Variants in VAX2 observed in about 807,000 individuals in gnomAD.
VAX2 encodes the protein ventral anterior homeobox 2.
In VAX2, 8 loss-of-function variants were observed where a neutral mutation model predicts 12.5. The observed-to-expected ratio is 0.64, with a 90% CI of 0.37 to 1.15. The LOEUF (loss-of-function observed/expected upper bound fraction) is 1.15, where lower values mean the gene tolerates loss of function less well. Among genes scored for constraint, VAX2 ranks in the 50% most tolerant of loss-of-function variants. The pLI is 0.01. For missense variants in VAX2, 476 were observed against 412.9 expected (o/e 1.15, Z -1.32); for synonymous variants, 183 against 187.6 (o/e 0.98, Z 0.20).
intron 1 of VAX2, among the ~76,000 whole-genome samples, chr2:70,914,802 A>ATT (rs1370067951): frequency 1.5e-5 from 2 of 134,056 alleles, no homozygotes; most frequent in African/African-American, 5.6e-5. Context: ...TATTTACTTA[A>ATT]ATTTTTTTTT....
intron 2 of VAX2, among the ~76,000 whole-genome samples, chr2:70,930,060 G>A (rs918832040): frequency 1.3e-5 from 2 of 152,186 alleles, no homozygotes; most frequent in South Asian, 2.1e-4. Context: ...TCCGCCAGGT[G>A]CGGTGGTGTG....
chr2:70,903,999 G>A (rs1470326471), intron 1 of VAX2, among the ~76,000 whole-genome samples: 3 of 152,188 alleles, frequency 2.0e-5, no homozygotes, highest in Non-Finnish European at 4.4e-5. Context: ...AACGTGGTGC[G>A]TCTCCTGCCT....
In VAX2 at chr2:70,932,942, C is replaced by T. The variant is rs1222142186; in HGVS notation, c.611C>T (p.Thr204Ile). 6.2e-7 allele frequency: 1 copy of T among 1,612,700 alleles called. No homozygotes were observed. The highest frequency in any genetic ancestry group is 2.2e-5 in the East Asian group (1 of 44,840). The change falls in exon 3 of 3, where the codon ACC (threonine) becomes ATC (isoleucine). Residue 204 changes from threonine to isoleucine, a missense_variant. Coordinates refer to ENST00000234392, the MANE Select transcript of VAX2 (RefSeq NM_012476.3). ...VPRAPSLLAL[T>I]PSLPGLPASH... ...AGGGCCCCTAGCCTCCTGGCGCTGA[C>T]CCCTAGCCTGCCAGGCCTACCTGCC...
At chr2:70,929,758 C>G (rs1248630566) in intron 2 of VAX2, among the ~76,000 whole-genome samples, 1 of 151,782 alleles carries the variant, frequency 6.6e-6, no homozygotes, top group Admixed American at 6.6e-5. Flanking sequence ...AAGTATTGGT[C>G]CTCAACAAAA....
chr2:70,903,629 A>G (rs1314494899), intron 1 of VAX2, among the ~76,000 whole-genome samples: 1 of 152,244 alleles, frequency 6.6e-6, no homozygotes, highest in Admixed American at 6.5e-5. Flanking sequence ...GCCAAGAATC[A>G]GAGGTGATGT....
intron 1 of VAX2, among the ~76,000 whole-genome samples, chr2:70,917,695 G>A (rs1679339846): frequency 6.6e-6 from 1 of 152,138 alleles, no homozygotes; most frequent in South Asian, 2.1e-4. Context: ...TCTGGGTCAT[G>A]CCTCCATGAC....
At position 70,900,723 on chromosome 2, in the gene VAX2, G is replaced by T; in HGVS notation, c.102G>T (p.Leu34Phe). Residue 34 changes from leucine to phenylalanine, a missense_variant, in exon 1 of 3, where the codon TTG (leucine) becomes TTT (phenylalanine). By Grantham distance (22) the Leu-to-Phe change is conservative. Coordinates refer to ENST00000234392, the MANE Select transcript of VAX2 (RefSeq NM_012476.3). The stretch of plus-strand genomic sequence containing the variant: ...GAGACCGCAGCGGAGCGGGGGACTT[G>T]CGAGCTGATGGCGGTGGCCACAGCC... ...RCGDRSGAGD[L>F]RADGGGHSPT... 1 of 1,410,062 alleles carries T rather than the reference G, an allele frequency of 7.1e-7. No individual in the cohort carries two copies. The highest frequency in any genetic ancestry group is 9.3e-7 in the Non-Finnish European group (1 of 1,076,182). The allele number at this position is 1,410,062 out of a possible 1,614,324, so 87.3% of individuals were successfully genotyped here.
chr2:70,930,068 G>A (rs941754450), intron 2 of VAX2, among the ~76,000 whole-genome samples: 1 of 152,152 alleles, frequency 6.6e-6, no homozygotes, highest in Non-Finnish European at 1.5e-5. Flanking sequence ...GTGCGGTGGT[G>A]TGCACCTGTA....
chr2:70,925,954 G>A (rs1553413487), intron 2 of VAX2, among the ~76,000 whole-genome samples: 1 of 151,312 alleles, frequency 6.6e-6, no homozygotes, highest in African/African-American at 2.4e-5. Flanking sequence ...TCTTCCTTCT[G>A]CCAAATAGCA....
intron 1 of VAX2, among the ~76,000 whole-genome samples, chr2:70,917,661 G>T (rs1679338888): frequency 6.6e-6 from 1 of 152,146 alleles, no homozygotes; most frequent in African/African-American, 2.4e-5. Flanking sequence ...ATATTTGGTG[G>T]CAAGTCTGAG....
intron 1 of VAX2, among the ~76,000 whole-genome samples, chr2:70,901,344 C>G (rs868938242): frequency 3.9e-4 from 59 of 152,236 alleles, no homozygotes; most frequent in Non-Finnish European, 5.4e-4. Context: ...CCGCGTTTCC[C>G]GTCCCCGGCA....
At position 70,903,425 on chromosome 2, in the gene VAX2, G is replaced by T. The variant is rs536700518; in HGVS notation, c.247+2557G>T. On this transcript the variant is annotated intron_variant, in intron 1 of 2. Coordinates refer to ENST00000234392, the MANE Select transcript of VAX2 (RefSeq NM_012476.3). ...TCCTCCACCTAAGGGCATACCACAG[G>T]GGGGTGGGGGGCAGGTTTGTTGAGG... Among the ~76,000 whole-genome samples, 5 of 152,280 alleles carry T rather than the reference G, an allele frequency of 3.3e-5. No individual in the cohort carries two copies. In the South Asian group the frequency reaches 1.0e-3, roughly 32 times the overall value.
intron 1 of VAX2, among the ~76,000 whole-genome samples, chr2:70,920,823 G>T (rs1452873552): frequency 3.3e-5 from 5 of 152,164 alleles, no homozygotes; most frequent in Non-Finnish European, 5.9e-5. Flanking sequence ...GGCTGGGACA[G>T]AGTGAGTCCT....
intron 2 of VAX2, among the ~76,000 whole-genome samples, chr2:70,929,933 A>G (rs1462056950): frequency 6.6e-6 from 1 of 150,812 alleles, no homozygotes; most frequent in Non-Finnish European, 1.5e-5. Context: ...GGCTTTGTTC[A>G]CTGCTGATTC....
chr2:70,902,585 T>C (rs1678958776), intron 1 of VAX2, among the ~76,000 whole-genome samples: 1 of 152,174 alleles, frequency 6.6e-6, no homozygotes, highest in Admixed American at 6.5e-5. Context: ...CACCTATGGG[T>C]GGACATTTTC....
In VAX2 at chr2:70,900,810, C is replaced by A; in HGVS notation, c.189C>A (p.Asp63Glu). Reference sequence around the variant, plus strand: ...CAGGCTCCAGGGAGAGTGGAGCCGACAGCGACGGGCAGCCCGGGCCCGGCG... The same window carrying A: ...CAGGCTCCAGGGAGAGTGGAGCCGAAAGCGACGGGCAGCCCGGGCCCGGCG... ...SPAGSRESGA[D>E]SDGQPGPGEA... Residue 63 changes from aspartate to glutamate, a missense_variant, in exon 1 of 3, where the codon GAC (aspartate) becomes GAA (glutamate). Physicochemically the swap from Asp to Glu is conservative, Grantham distance 45 (BLOSUM62 2). Coordinates refer to ENST00000234392, the MANE Select transcript of VAX2 (RefSeq NM_012476.3). The A allele has an allele frequency of 6.7e-7, 1 of 1,488,996 alleles. No homozygotes were observed. The highest frequency in any genetic ancestry group is 2.2e-5 in the Admixed American group (1 of 45,282). 92.2% of individuals were successfully genotyped at this position (1,488,996 alleles called of 1,614,324 possible).
At position 70,904,878 on chromosome 2, in the gene VAX2, C is replaced by T. The variant is rs1553410389; in HGVS notation, c.247+4010C>T. On this transcript the variant is annotated intron_variant, in intron 1 of 2. Transcript: ENST00000234392. The surrounding 1 kb of genome is among the most constrained non-coding windows in gnomAD (Gnocchi z 4.2). ...CCGCGGGCAGTCGGGACCCACGCTC[C>T]GGAAACACCCAAGTCCGAACTCGTA... Among the ~76,000 whole-genome samples the T allele has an allele frequency of 6.6e-6, 1 of 152,228 alleles. No homozygotes were observed. Among genetic ancestry groups the T allele is most frequent in the Non-Finnish European group, 1.5e-5 (1 of 68,046 alleles).
At chr2:70,915,141 C>T (rs1482099386) in intron 1 of VAX2, among the ~76,000 whole-genome samples, 3 of 151,696 alleles carry the variant, frequency 2.0e-5, no homozygotes, top group African/African-American at 7.3e-5. Flanking sequence ...AAATCTGTTT[C>T]TTGTACTTTA....
rs140378557 is a variant in VAX2 at position 70,933,087 on chromosome 2, G to A, written c.756G>A (p.Ser252=). ...CTCTGCCAGCTGTCTGCTTTTCCTC[G>A]GCCCCGCTCCTGGATCTGCCTGCCG... ...PPPLPAVCFS[S]APLLDLPAGY... Residue 252 remains serine (S), a synonymous_variant, in exon 3 of 3, where the codon TCG becomes TCA. Transcript: ENST00000234392. 3.2e-5 allele frequency: 52 copies of A among 1,609,696 alleles called. No homozygotes were observed. In the African/African-American group the frequency reaches 3.6e-4, roughly 11 times the overall value.
Sources: gnomAD v4.1 joint callset for allele counts (sites outside exome capture counted in the v4.1 genomes callset) on GRCh38, gnomAD v4.1.1 for gene constraint, Gnocchi (gnomAD v3.1) non-coding constraint, MANE v1.5 for transcripts, NCBI Gene and HGNC (gene_info 2026-07-23, HGNC 2026-07-21) for gene names.